The following GNG7 variants were observed in gnomAD, a reference collection of about 807,000 sequenced individuals.
The protein encoded by GNG7 is guanine nucleotide-binding protein G(I)/G(S)/G(O) subunit gamma-7.
GNG7 carries 1 observed loss-of-function variant against 4.0 expected under a neutral mutation model. The ratio of observed to expected loss-of-function variants is 0.25; its 90% CI spans 0.09 to 1.18. The LOEUF (loss-of-function observed/expected upper bound fraction) is 1.18, where lower values mean the gene tolerates loss of function less well. Among genes scored for constraint, GNG7 ranks in the 50% most tolerant of loss-of-function variants. The pLI is 0.50. For synonymous variants in GNG7, 34 were observed against 36.9 expected (o/e 0.92, Z 0.29); for missense variants, 86 against 91.9 (o/e 0.94, Z 0.26).
chr19:2,570,097 G>C (rs550535589), intron 2 of GNG7, among the ~76,000 whole-genome samples: 3 of 152,126 alleles, frequency 2.0e-5, no homozygotes, highest in Non-Finnish European at 4.4e-5. Context: ...GGGAATGAGC[G>C]AGTTCCCACT....
chr19:2,672,098 C>G (rs183511283), intron 1 of GNG7, among the ~76,000 whole-genome samples: 3 of 146,872 alleles, frequency 2.0e-5, no homozygotes, highest in Non-Finnish European at 4.5e-5. Flanking sequence ...CACCCAGTGG[C>G]GCAGTCTCAG....
intron 2 of GNG7, among the ~76,000 whole-genome samples, chr19:2,602,615 A>G (rs1981235345): frequency 1.3e-5 from 2 of 152,264 alleles, no homozygotes; most frequent in Non-Finnish European, 1.5e-5. Context: ...GCCCCGGAGC[A>G]CGAACCACTA....
chr19:2,601,208 C>A (rs1020633844), intron 2 of GNG7, among the ~76,000 whole-genome samples: 2 of 152,132 alleles, frequency 1.3e-5, no homozygotes, highest in African/African-American at 4.8e-5. Flanking sequence ...GACTCCAAAG[C>A]TGTGTTCTTT....
intron 2 of GNG7, among the ~76,000 whole-genome samples, chr19:2,607,625 G>A (rs1229089036): frequency 1.3e-5 from 2 of 151,384 alleles, no homozygotes; most frequent in Non-Finnish European, 2.9e-5. Context: ...ATTAGGATGG[G>A]GCAAGCTAAA....
At chr19:2,541,098 CAG>C (rs1978947260) in intron 3 of GNG7, among the ~76,000 whole-genome samples, 1 of 152,220 alleles carries the variant, frequency 6.6e-6, no homozygotes, top group Non-Finnish European at 1.5e-5. Context: ...GCCTGGCGGC[CAG>C]AGAGGCGAGG....
intron 2 of GNG7, among the ~76,000 whole-genome samples, chr19:2,624,504 C>A (rs1253974492): frequency 7.2e-6 from 1 of 138,970 alleles, no homozygotes; most frequent in East Asian, 2.0e-4. Flanking sequence ...TAACTCCAGC[C>A]TGGGAGACAG....
intron 2 of GNG7, among the ~76,000 whole-genome samples, chr19:2,636,725 G>C (rs1234797657): frequency 6.6e-6 from 1 of 152,122 alleles, no homozygotes; most frequent in Non-Finnish European, 1.5e-5. Flanking sequence ...TAGGGCAGGG[G>C]CCAACCATCT....
At chr19:2,640,263 G>C (rs187547189) in intron 2 of GNG7, among the ~76,000 whole-genome samples, 17 of 151,914 alleles carry the variant, frequency 1.1e-4, no homozygotes, top group Admixed American at 1.0e-3. Context: ...AGGAAGGAGA[G>C]AGAGAGGAAG....
At chr19:2,542,676 T>C (rs1365522875) in intron 3 of GNG7, among the ~76,000 whole-genome samples, 5 of 152,076 alleles carry the variant, frequency 3.3e-5, no homozygotes, top group Non-Finnish European at 7.4e-5. Flanking sequence ...AGCCACCACA[T>C]ATGCAGTAGT....
At position 2,614,995 on chromosome 19, in the gene GNG7, G is replaced by A. The variant is rs116136316; in HGVS notation, c.-78+31229C>T. 3.0e-3 allele frequency among the ~76,000 whole-genome samples: 458 copies of A among 152,294 alleles called. 4 individuals are homozygous for A. Among genetic ancestry groups the A allele is most frequent in the African/African-American group, 0.011 (446 of 41,558 alleles). On this transcript the variant is annotated intron_variant, in intron 2 of 4. Transcript: ENST00000382159. This position sits in a 1 kb window ranked among gnomAD's most constrained non-coding sequence, Gnocchi z 6.0. ...TGTTGAAGGTCACCCCGTAGCCATT[G>A]GCAGAGCCAGAACTTGCAGCTGTGA...
chr19:2,530,275 T>C (rs150007989), intron 3 of GNG7, among the ~76,000 whole-genome samples: 1,555 of 150,678 alleles, frequency 0.01, 30 homozygotes, highest in African/African-American at 0.036. Flanking sequence ...TAGCTGGGCA[T>C]GGTGGCACGT....
At chr19:2,589,141 T>C (rs1225390171) in intron 2 of GNG7, among the ~76,000 whole-genome samples, 1 of 151,978 alleles carries the variant, frequency 6.6e-6, no homozygotes, top group Non-Finnish European at 1.5e-5. Flanking sequence ...TTGGTCAGGC[T>C]GGTCTCGAAC....
intron 2 of GNG7, among the ~76,000 whole-genome samples, chr19:2,555,735 G>A (rs560560463): frequency 6.6e-6 from 1 of 152,190 alleles, no homozygotes; most frequent in South Asian, 2.1e-4. Flanking sequence ...GGGCCAGGAG[G>A]TCAATAGGAA....
intron 1 of GNG7, among the ~76,000 whole-genome samples, chr19:2,654,052 C>G (rs1467061829): frequency 2.0e-5 from 3 of 151,876 alleles, no homozygotes; most frequent in Admixed American, 1.3e-4. Flanking sequence ...GTGGCGGGGG[C>G]GGGGCCGTGT....
chr19:2,560,886 G>A (rs775775308), intron 2 of GNG7, among the ~76,000 whole-genome samples: 9 of 151,374 alleles, frequency 5.9e-5, no homozygotes, highest in Admixed American at 2.6e-4. Context: ...GAACCTGGGA[G>A]GCGGATGTTG....
chr19:2,547,988 T>G (rs1979183064), intron 3 of GNG7, among the ~76,000 whole-genome samples: 1 of 152,190 alleles, frequency 6.6e-6, no homozygotes, highest in African/African-American at 2.4e-5. Context: ...TGGGGTTCTC[T>G]GCTGTGGCCC....
At chr19:2,632,233 C>CAG (rs1388224716) in intron 2 of GNG7, 6 of 152,100 alleles carry the variant, frequency 3.9e-5, no homozygotes, top group African/African-American at 1.4e-4. Context: ...AGTTCGAGAC[C>CAG]AGCCTGACCA....
At chr19:2,671,141 C>A (rs749487560) in intron 1 of GNG7, among the ~76,000 whole-genome samples, 2 of 152,014 alleles carry the variant, frequency 1.3e-5, no homozygotes, top group African/African-American at 2.4e-5. Flanking sequence ...GGGTGCTGAG[C>A]AGCATCCTTG....
intron 1 of GNG7, among the ~76,000 whole-genome samples, chr19:2,661,270 A>AAAAGAAAG (rs796432059): frequency 1.4e-5 from 1 of 70,928 alleles, no homozygotes; most frequent in African/African-American, 6.5e-5. Context: ...AGAAAGAAAG[A>AAAAGAAAG]AAAGAAAGAA....
Sources: allele counts gnomAD v4.1 joint callset (sites outside exome capture counted in the v4.1 genomes callset), GRCh38; gene constraint gnomAD v4.1.1; non-coding constraint Gnocchi (gnomAD v3.1); transcripts MANE v1.5; gene names NCBI Gene and HGNC (gene_info 2026-07-23, HGNC 2026-07-21).